HPGDS: variants seen among roughly 807,000 people sequenced by gnomAD.
HPGDS encodes GST class-sigma.
HPGDS carries 26 observed loss-of-function variants against 23.1 expected under a neutral mutation model. The ratio of observed to expected loss-of-function variants is 1.13; its 90% CI spans 0.83 to 1.56. HPGDS has a LOEUF of 1.56. HPGDS is among the 40% of genes most tolerant of loss of function. The probability of loss-of-function intolerance (pLI) is 0.00; values close to 1 mark genes in which losing one functional copy is unlikely to be tolerated. For missense variants in HPGDS, 268 were observed against 236.4 expected (o/e 1.13, Z -0.88); for synonymous variants, 95 against 77.9 (o/e 1.22, Z -1.16).
chr4:94,311,726 C>T lies in HPGDS; in HGVS notation c.227-2983G>A, dbSNP rs559047085. Among the ~76,000 whole-genome samples the T allele has an allele frequency of 9.2e-5, 14 of 151,442 alleles. No homozygotes were observed. In the East Asian group the frequency reaches 2.7e-3, roughly 29 times the overall value. On this transcript the variant is annotated intron_variant, in intron 3 of 5. Coordinates refer to ENST00000295256, the MANE Select transcript of HPGDS (RefSeq NM_014485.3). ...TCAGAAGGAATGGTACCAGCTCCTCCTTGTATCTCTGGTAGAATTCAGCTG... is the reference window on the plus strand; with the variant it reads ...TCAGAAGGAATGGTACCAGCTCCTCTTTGTATCTCTGGTAGAATTCAGCTG...
intron 4 of HPGDS, among the ~76,000 whole-genome samples, chr4:94,307,285 G>A (rs1300241571): frequency 6.7e-6 from 1 of 150,158 alleles, no homozygotes; most frequent in Admixed American, 6.6e-5. Flanking sequence ...AAAGAAAACA[G>A]GAGAATGAAC....
chr4:94,323,460 T>C (rs1394383144), intron 2 of HPGDS, among the ~76,000 whole-genome samples: 6 of 152,346 alleles, frequency 3.9e-5, no homozygotes, highest in Non-Finnish European at 8.8e-5. Context: ...ACCAGGTGCA[T>C]ATATATTTAG....
At chr4:94,314,919 G>A (rs1395329192) in intron 3 of HPGDS, among the ~76,000 whole-genome samples, 2 of 152,194 alleles carry the variant, frequency 1.3e-5, no homozygotes, top group East Asian at 3.9e-4. Flanking sequence ...AGGCTCCCTG[G>A]GCATAGGACC....
chr4:94,319,696 C>T (rs184953144), intron 2 of HPGDS, among the ~76,000 whole-genome samples: 1 of 152,122 alleles, frequency 6.6e-6, no homozygotes, highest in East Asian at 1.9e-4. Flanking sequence ...TTAAGCATTT[C>T]TTGTAGGAAC....
chr4:94,317,306 G>A (rs1756416925), intron 3 of HPGDS, among the ~76,000 whole-genome samples: 3 of 152,080 alleles, frequency 2.0e-5, no homozygotes, highest in South Asian at 4.2e-4. Flanking sequence ...AAGTGTGTCA[G>A]GTAAAAACAA....
chr4:94,316,317 G>A (rs1456744784), intron 3 of HPGDS, among the ~76,000 whole-genome samples: 1 of 152,128 alleles, frequency 6.6e-6, no homozygotes, highest in Non-Finnish European at 1.5e-5. Flanking sequence ...TTCCTCTCCT[G>A]GTTAAATAGA....
At chr4:94,317,409 T>C (rs745636642) in intron 3 of HPGDS, among the ~76,000 whole-genome samples, 1 of 152,156 alleles carries the variant, frequency 6.6e-6, no homozygotes, top group Non-Finnish European at 1.5e-5. Context: ...TTTCCTCAGA[T>C]GGCACTGAGT....
intron 2 of HPGDS, among the ~76,000 whole-genome samples, chr4:94,331,803 C>T (rs1460522599): frequency 2.6e-5 from 4 of 152,056 alleles, no homozygotes; most frequent in African/African-American, 4.8e-5. Context: ...ATTCTAGGGA[C>T]GAGAAGGGAT....
intron 1 of HPGDS, among the ~76,000 whole-genome samples, chr4:94,335,193 C>T (rs933331793): frequency 6.6e-6 from 1 of 152,140 alleles, no homozygotes; most frequent in Non-Finnish European, 1.5e-5. Flanking sequence ...AAACACTGCT[C>T]TCTGGTTCCC....
chr4:94,309,906 C>T (rs1579429980), intron 3 of HPGDS, among the ~76,000 whole-genome samples: 1 of 152,058 alleles, frequency 6.6e-6, no homozygotes, highest in Non-Finnish European at 1.5e-5. Context: ...TTTCATGTGT[C>T]TTTTGGCTGC....
chr4:94,308,840 G>C, intron 3 of HPGDS, 97 bp from the exon 4 acceptor site: 1 of 622,604 alleles, frequency 1.6e-6, no homozygotes, highest in Non-Finnish European at 2.8e-6. Context: ...AAAATTCAAA[G>C]AGTGTAAAAC....
At chr4:94,334,444 A>G (rs1052537254) in intron 2 of HPGDS, 53 bp downstream of exon 2, 14 of 1,443,864 alleles carry the variant, frequency 9.7e-6, no homozygotes, top group African/African-American at 2.9e-5. Flanking sequence ...CTGAGGAAAA[A>G]CAAAAGGTTC....
intron 2 of HPGDS, 101 bp from the exon 3 acceptor site, chr4:94,318,066 G>A (rs144815524): frequency 0.011 from 7,466 of 672,640 alleles, 80 homozygotes; most frequent in Non-Finnish European, 0.015. Flanking sequence ...TGATTTTATG[G>A]AATCATGAAA....
At chr4:94,339,971 T>C (rs1489713860) in intron 1 of HPGDS, among the ~76,000 whole-genome samples, 2 of 152,148 alleles carry the variant, frequency 1.3e-5, no homozygotes, top group East Asian at 1.9e-4. Context: ...TCCGCTATGA[T>C]GGTGAGGTCT....
At chr4:94,331,451 C>A (rs914480680) in intron 2 of HPGDS, among the ~76,000 whole-genome samples, 2 of 151,540 alleles carry the variant, frequency 1.3e-5, no homozygotes, top group African/African-American at 4.8e-5. Flanking sequence ...TTTTTGATTG[C>A]CATTTATGTC....
In HPGDS at chr4:94,317,902, G is replaced by T. The variant is rs1201592355; in HGVS notation, c.197C>A (p.Ala66Glu). The T allele has an allele frequency of 1.2e-6, 2 of 1,611,174 alleles. No homozygotes were observed. Among genetic ancestry groups the T allele is most frequent in the Non-Finnish European group, 1.7e-6 (2 of 1,178,344 alleles). ...VDGLTLHQSL[A>E]IARYLTKNTD... ...GTTTTTGGTCAAATATCTTGCTATTGCTAGGCTCTGGTGAAGAGTAAGTCC... is the reference window on the plus strand; with the variant it reads ...GTTTTTGGTCAAATATCTTGCTATTTCTAGGCTCTGGTGAAGAGTAAGTCC... Residue 66 changes from alanine to glutamate, a missense_variant, in exon 3 of 6, where the codon GCA (alanine) becomes GAA (glutamate). Ala to Glu is a moderately radical substitution (Grantham distance 107). Coordinates refer to ENST00000295256, the MANE Select transcript of HPGDS (RefSeq NM_014485.3).
chr4:94,332,635 T>C (rs556940456), intron 2 of HPGDS, among the ~76,000 whole-genome samples: 1 of 152,314 alleles, frequency 6.6e-6, no homozygotes, highest in South Asian at 2.1e-4. Context: ...CCACAAGGGA[T>C]TGAGTGCAGT....
chr4:94,317,920 G>A lies in HPGDS; in HGVS notation c.179C>T (p.Thr60Ile), dbSNP rs754901910. The A allele has an allele frequency of 1.9e-6, 3 of 1,612,236 alleles. No homozygotes were observed. The highest frequency in any genetic ancestry group is 1.1e-5 in the South Asian group (1 of 90,656). The change falls in exon 3 of 6, where the codon ACT becomes ATT. Residue 60 changes from threonine (T) to isoleucine (I), a missense_variant. Transcript: ENST00000295256. ...KIPILEVDGL[T>I]LHQSLAIARY... The stretch of plus-strand genomic sequence containing the variant: ...TGCTATTGCTAGGCTCTGGTGAAGA[G>A]TAAGTCCATCAACTTCCAAAATGGG...
At chr4:94,315,991 T>C (rs1468635790) in intron 3 of HPGDS, among the ~76,000 whole-genome samples, 2 of 152,176 alleles carry the variant, frequency 1.3e-5, no homozygotes, top group African/African-American at 4.8e-5. Flanking sequence ...CTTCCACAAA[T>C]CCTCAAATGC....
Sources: allele counts gnomAD v4.1 joint callset (sites outside exome capture counted in the v4.1 genomes callset), GRCh38; gene constraint gnomAD v4.1.1; transcripts MANE v1.5; gene names NCBI Gene and HGNC (gene_info 2026-07-23, HGNC 2026-07-21).